Variants in ELP2 observed in about 807,000 individuals in gnomAD.
The protein encoded by ELP2 is elongator acetyltransferase complex subunit 2, also known as elongator complex protein 2.
In ELP2, 90 loss-of-function variants were observed where a neutral mutation model predicts 119.2. The ratio of observed to expected loss-of-function variants is 0.75; its 90% CI spans 0.64 to 0.90. The LOEUF (loss-of-function observed/expected upper bound fraction) is 0.90, where lower values mean the gene tolerates loss of function less well. Ranked by LOEUF, ELP2 falls within the 40% of genes least tolerant of loss-of-function variation. ELP2 has a pLI of 0.00. For missense variants in ELP2, 921 were observed against 967.8 expected, an observed-to-expected ratio of 0.95 and a Z score of 0.64; for synonymous variants, 339 against 331.0, an observed-to-expected ratio of 1.02 and a Z score of -0.26.
At chr18:36,130,123 T>C in intron 1 of ELP2, 52 bp downstream of exon 1, 1 of 1,611,714 alleles carries the variant, frequency 6.2e-7, no homozygotes. Flanking sequence ...GTTGAACCTG[T>C]GGACGTGCTC....
At chr18:36,172,568 T>G (rs956655904) in intron 21 of ELP2, among the ~76,000 whole-genome samples, 2 of 152,220 alleles carry the variant, frequency 1.3e-5, no homozygotes. Flanking sequence ...TGGGCTGGGT[T>G]TAGCAGTTGA....
At position 36,146,172 on chromosome 18, in the gene ELP2, G is replaced by T; in HGVS notation, c.994-78G>T. 39 of 1,595,556 alleles carry T rather than the reference G, an allele frequency of 2.4e-5. 1 individual carries two copies. In the South Asian group the frequency reaches 4.2e-4, roughly 17 times the overall value. ...ACATTAAAATAGTGGGAATTTAACA[G>T]TCTCTGGAATCAGCGATTTCTGTTG... On this transcript the variant is annotated intron_variant, in intron 10 of 21. Coordinates refer to ENST00000358232, the MANE Select transcript of ELP2 (RefSeq NM_018255.4).
chr18:36,139,842 A>G (rs2089960960), intron 5 of ELP2: 1 of 286,426 alleles, frequency 3.5e-6, no homozygotes, highest in South Asian at 1.2e-4. Context: ...AAATTTTAAA[A>G]TTTAAAATTT....
rs1454458998 is a variant in ELP2 at position 36,176,225 on chromosome 18, A to G, written c.*1584A>G. The G allele has an allele frequency of 6.6e-6, 1 of 152,150 alleles. No individual in the cohort carries two copies. Among genetic ancestry groups the G allele is most frequent in the African/African-American group, 2.4e-5 (1 of 41,410 alleles). 9.4% of individuals were successfully genotyped at this position (152,150 alleles called of 1,614,324 possible). A position where few individuals can be genotyped will look rare whatever the true frequency, so the allele number is the denominator to read the frequency against. On this transcript the variant is annotated 3_prime_UTR_variant, in exon 22 of 22. Coordinates refer to ENST00000358232, the MANE Select transcript of ELP2 (RefSeq NM_018255.4). ...AGCCACATGTGGCTCATGGCCATCCATATTTGGACAATGTACTTTAGACTA... is the reference window on the plus strand; with the variant it reads ...AGCCACATGTGGCTCATGGCCATCCGTATTTGGACAATGTACTTTAGACTA...
At chr18:36,152,479 C>T (rs1291348137) in intron 11 of ELP2, among the ~76,000 whole-genome samples, 5 of 152,216 alleles carry the variant, frequency 3.3e-5, no homozygotes, top group Non-Finnish European at 7.3e-5. Flanking sequence ...ATAGCATTTA[C>T]TGTGATCTGG....
At chr18:36,146,417 C>T (rs2090204830) in intron 11 of ELP2, 36 bp downstream of exon 11, 1 of 1,602,458 alleles carries the variant, frequency 6.2e-7, no homozygotes, top group Non-Finnish European at 8.5e-7. Flanking sequence ...CATTTCTAAT[C>T]AAATAGAGTA....
chr18:36,170,123 T>C lies in ELP2; in HGVS notation c.2137T>C (p.Cys713Arg). The change falls in exon 20 of 22, where the codon TGC (cysteine) becomes CGC (arginine). Residue 713 changes from cysteine (C) to arginine (R), a missense_variant. Cys to Arg is a radical substitution (Grantham distance 180). Coordinates refer to ENST00000358232, the MANE Select transcript of ELP2 (RefSeq NM_018255.4). ...CTGTATTGAGCACAACATTGGCCCC[T>C]GCTCCTCAGTCCTGGACGTGGGTGG... The part of the protein sequence containing the change: ...DDCIEHNIGP[C>R]SSVLDVGGAV... 6.2e-7 allele frequency: 1 copy of C among 1,614,114 alleles called. No homozygotes were observed. Among genetic ancestry groups the C allele is most frequent in the South Asian group, 1.1e-5 (1 of 91,070 alleles).
At chr18:36,170,734 C>T (rs1275248524) in intron 20 of ELP2, 1 of 396,194 alleles carries the variant, frequency 2.5e-6, no homozygotes, top group Non-Finnish European at 4.6e-6. Context: ...CTTACTTCAC[C>T]AAATCTAGGA....
At position 36,137,828 on chromosome 18, in the gene ELP2, TTAACA is replaced by T. The variant is rs1187325249; in HGVS notation, c.289-440_289-436del. ...CAAAAAAAAAAAAAAAAAAAAAAAA[TTAACA>T]TCACGGTGAAAAAACCTGGCAGACA... On this transcript the variant is annotated intron_variant, in intron 3 of 21. Transcript: ENST00000358232. 6.1e-5 allele frequency among the ~76,000 whole-genome samples: 6 copies of T among 98,412 alleles called. No individual in the cohort carries two copies. The East Asian group carries it at 1.5e-3, about 25-fold the overall frequency. The allele number at this position is 98,412 out of a possible 152,430, so 64.6% of individuals were successfully genotyped here.
intron 13 of ELP2, 137 bp from the exon 14 acceptor site, chr18:36,158,698 G>A (rs758330951): frequency 1.7e-5 from 11 of 633,092 alleles, no homozygotes; most frequent in Non-Finnish European, 2.8e-5. Flanking sequence ...ATCCACACAA[G>A]ATGGTCTTTA....
intron 11 of ELP2, among the ~76,000 whole-genome samples, chr18:36,149,430 C>T (rs1222187893): frequency 6.8e-6 from 1 of 147,060 alleles, no homozygotes; most frequent in Admixed American, 6.9e-5. Context: ...CCCGTCATGC[C>T]TTAGGAATTT....
At chr18:36,167,332 C>A in intron 19 of ELP2, 110 bp downstream of exon 19, 1 of 802,248 alleles carries the variant, frequency 1.2e-6, no homozygotes, top group Non-Finnish European at 1.9e-6. Context: ...TTTTAAAAAT[C>A]AGCTATGTAT....
chr18:36,145,912 G>A (rs765429255), intron 9 of ELP2, 36 bp from the exon 10 acceptor site: 33 of 1,532,756 alleles, frequency 2.2e-5, no homozygotes, highest in Non-Finnish European at 3.0e-5. Flanking sequence ...CATGATGATT[G>A]TTGATCACCT....
Position 36,171,030 on chromosome 18 carries a change from C to T in ELP2, c.2211-17C>T, listed in dbSNP as rs199505819. 2.0e-6 allele frequency: 3 copies of T among 1,532,280 alleles called. No homozygotes were observed. The highest frequency in any genetic ancestry group is 3.3e-5 in the Admixed American group (2 of 59,936). 94.9% of individuals were successfully genotyped at this position (1,532,280 alleles called of 1,614,324 possible). On this transcript the variant is annotated splice_polypyrimidine_tract_variant and intron_variant, in intron 20 of 21. Coordinates refer to ENST00000358232, the MANE Select transcript of ELP2 (RefSeq NM_018255.4). Reference sequence around the variant, plus strand: ...CATGCTAAGTTAATCACTGTTGTCCCCCTCCCTTAAAAACAGATACGTGGT... The same window carrying T: ...CATGCTAAGTTAATCACTGTTGTCCTCCTCCCTTAAAAACAGATACGTGGT...
At chr18:36,165,629 C>A (rs1417933204) in intron 18 of ELP2, among the ~76,000 whole-genome samples, 1 of 152,200 alleles carries the variant, frequency 6.6e-6, no homozygotes, top group African/African-American at 2.4e-5. Context: ...TGCGTGTGAT[C>A]CCAGCACTTT....
chr18:36,151,119 C>G (rs2090384843), intron 11 of ELP2, among the ~76,000 whole-genome samples: 1 of 147,112 alleles, frequency 6.8e-6, no homozygotes, highest in Non-Finnish European at 1.5e-5. Flanking sequence ...GTGTCTCACT[C>G]TGTTGCTCAG....
At chr18:36,154,217 G>C (rs185065956) in intron 11 of ELP2, among the ~76,000 whole-genome samples, 18 of 152,200 alleles carry the variant, frequency 1.2e-4, no homozygotes, top group Admixed American at 1.2e-3. Context: ...GTTCAAAAAG[G>C]TGCTCTGTGG....
rs2091261970 is a variant in ELP2, at chr18:36,177,893, A to C, written c.*3252A>C. 1 of 152,198 alleles carries C rather than the reference A, an allele frequency of 6.6e-6. No individual in the cohort carries two copies. The highest frequency in any genetic ancestry group is 2.1e-4 in the South Asian group (1 of 4,834). 9.4% of individuals were successfully genotyped at this position (152,198 alleles called of 1,614,324 possible). A position where few individuals can be genotyped will look rare whatever the true frequency, so the allele number is the denominator to read the frequency against. On this transcript the variant is annotated 3_prime_UTR_variant, in exon 22 of 22. Coordinates refer to ENST00000358232, the MANE Select transcript of ELP2 (RefSeq NM_018255.4). ...ACAAACATTATACTTCAGAGTCCCAAAGCCTTTAAATAAAATGTTAATGGT... is the reference window on the plus strand; with the variant it reads ...ACAAACATTATACTTCAGAGTCCCACAGCCTTTAAATAAAATGTTAATGGT...
intron 2 of ELP2, among the ~76,000 whole-genome samples, chr18:36,134,117 C>T (rs1042488725): frequency 2.6e-5 from 4 of 152,052 alleles, no homozygotes; most frequent in Admixed American, 2.6e-4. Flanking sequence ...GGATTAGCTA[C>T]TGTACCCGGC....
Sources: allele counts gnomAD v4.1 joint callset (sites outside exome capture counted in the v4.1 genomes callset), GRCh38; gene constraint gnomAD v4.1.1; transcripts MANE v1.5; gene names NCBI Gene and HGNC (gene_info 2026-07-23, HGNC 2026-07-21).